NRG3: variants seen among roughly 807,000 people sequenced by gnomAD.
The protein encoded by NRG3 is pro-neuregulin-3, membrane-bound isoform.
NRG3 carries 31 observed loss-of-function variants against 66.9 expected under a neutral mutation model. The observed-to-expected ratio is 0.46, with a 90% CI of 0.35 to 0.63. NRG3 has a LOEUF of 0.63. NRG3 is among the 20% of genes least tolerant of loss of function. The probability of loss-of-function intolerance (pLI) is 0.00; values close to 1 mark genes in which losing one functional copy is unlikely to be tolerated. For missense variants in NRG3, 910 were observed against 878.9 expected (o/e 1.04, Z -0.45); for synonymous variants, 393 against 359.4 (o/e 1.09, Z -1.06).
At chr10:82,666,117 C>G (rs1002006359) in intron 2 of NRG3, among the ~76,000 whole-genome samples, 12 of 152,136 alleles carry the variant, frequency 7.9e-5, no homozygotes, top group African/African-American at 2.9e-4. Flanking sequence ...CCGCCTTTGC[C>G]TCCCAATGGC....
intron 2 of NRG3, among the ~76,000 whole-genome samples, chr10:82,735,344 C>G (rs1169961759): frequency 6.6e-6 from 1 of 152,106 alleles, no homozygotes; most frequent in African/African-American, 2.4e-5. Flanking sequence ...TGATGCCAGG[C>G]TCCTAAGGGA....
At chr10:82,939,445 TTTG>T (rs771219313) in intron 4 of NRG3, among the ~76,000 whole-genome samples, 11 of 151,076 alleles carry the variant, frequency 7.3e-5, no homozygotes, top group Admixed American at 5.3e-4. Flanking sequence ...GTTGTTGTTG[TTTG>T]TTGTTGTTGT....
At position 82,847,167 on chromosome 10, in the gene NRG3, C is replaced by T. The variant is rs531350194; in HGVS notation, c.1028-18244C>T. Among the ~76,000 whole-genome samples the T allele has an allele frequency of 2.1e-4, 32 of 152,302 alleles. No homozygotes were observed. The South Asian group carries it at 6.4e-3, about 31-fold the overall frequency. On this transcript the variant is annotated intron_variant, in intron 3 of 8. Coordinates refer to ENST00000372141, the MANE Select transcript of NRG3 (RefSeq NM_001010848.4). ...CAGGCTGAAGAAAGAGGGCACCCAGCAAATGGCATGTGGCAATTAAATCTG... is the reference window on the plus strand; with the variant it reads ...CAGGCTGAAGAAAGAGGGCACCCAGTAAATGGCATGTGGCAATTAAATCTG...
intron 1 of NRG3, among the ~76,000 whole-genome samples, chr10:82,180,916 T>C (rs971255343): frequency 6.6e-6 from 1 of 151,830 alleles, no homozygotes; most frequent in Admixed American, 6.6e-5. Flanking sequence ...TTGTTTTTGT[T>C]TGTTATGTTT....
intron 1 of NRG3, among the ~76,000 whole-genome samples, chr10:82,339,851 A>G (rs2082589050): frequency 6.6e-6 from 1 of 151,610 alleles, no homozygotes; most frequent in South Asian, 2.1e-4. Context: ...TTTCCACTTG[A>G]TTTAGCATTT....
Position 82,506,814 on chromosome 10 carries a change from G to A in NRG3, c.953+147946G>A, listed in dbSNP as rs576110667. Among the ~76,000 whole-genome samples the A allele has an allele frequency of 9.2e-5, 14 of 152,220 alleles. 1 individual carries two copies. The East Asian group carries it at 2.7e-3, about 29-fold the overall frequency. ...TCACATAAATTAATTCTTAGGTAAA[G>A]CTCACATGCTATGGAATGGTTTACC... On this transcript the variant is annotated intron_variant, in intron 2 of 8. Coordinates refer to ENST00000372141, the MANE Select transcript of NRG3 (RefSeq NM_001010848.4).
chr10:82,358,466 C>G (rs2083916054), intron 1 of NRG3, among the ~76,000 whole-genome samples: 1 of 152,158 alleles, frequency 6.6e-6, no homozygotes, highest in African/African-American at 2.4e-5. Flanking sequence ...GACTTAGGAT[C>G]ATTCAGCTTT....
At chr10:82,750,633 T>C (rs1389785469) in intron 3 of NRG3, among the ~76,000 whole-genome samples, 1 of 152,140 alleles carries the variant, frequency 6.6e-6, no homozygotes, top group Non-Finnish European at 1.5e-5. Flanking sequence ...ATTTATTATT[T>C]CTGAGTTATA....
chr10:82,923,429 A>G (rs1255781861), intron 4 of NRG3, among the ~76,000 whole-genome samples: 3 of 152,154 alleles, frequency 2.0e-5, no homozygotes, highest in African/African-American at 7.2e-5. Flanking sequence ...AGGTTCCCAC[A>G]TTGCACTCAG....
At chr10:82,979,184 GT>G in intron 8 of NRG3, 64 bp downstream of exon 8, 1 of 1,504,498 alleles carries the variant, frequency 6.6e-7, no homozygotes, top group South Asian at 1.2e-5. Flanking sequence ...TTTAAGTTAA[GT>G]TTTAAGTTCC....
At chr10:82,091,584 C>T (rs780855775) in intron 1 of NRG3, among the ~76,000 whole-genome samples, 5 of 152,216 alleles carry the variant, frequency 3.3e-5, no homozygotes, top group African/African-American at 4.8e-5. Context: ...TTGGTTGCCT[C>T]TGTCCCTTGG....
chr10:82,850,527 A>G (rs1210343839), intron 3 of NRG3, among the ~76,000 whole-genome samples: 1 of 152,218 alleles, frequency 6.6e-6, no homozygotes, highest in Non-Finnish European at 1.5e-5. Flanking sequence ...ACTTAAAACA[A>G]AAATTCAAAC....
chr10:82,936,451 T>G (rs1592017588), intron 4 of NRG3, among the ~76,000 whole-genome samples: 1 of 152,190 alleles, frequency 6.6e-6, no homozygotes, highest in East Asian at 1.9e-4. Context: ...GCCATAGGGT[T>G]TAGGGGGAAG....
At chr10:82,469,973 C>T (rs1213288415) in intron 2 of NRG3, among the ~76,000 whole-genome samples, 1 of 152,166 alleles carries the variant, frequency 6.6e-6, no homozygotes, top group Admixed American at 6.5e-5. Context: ...TCCCATCTCA[C>T]CTAGTCAATT....
At chr10:82,936,783 G>A (rs966973271) in intron 4 of NRG3, among the ~76,000 whole-genome samples, 1 of 152,120 alleles carries the variant, frequency 6.6e-6, no homozygotes, top group East Asian at 1.9e-4. Context: ...AAGACACTAT[G>A]AGCAAGTAGA....
intron 1 of NRG3, among the ~76,000 whole-genome samples, chr10:81,915,843 G>A (rs1845657932): frequency 6.6e-6 from 1 of 152,046 alleles, no homozygotes; most frequent in East Asian, 1.9e-4. Flanking sequence ...TGGACATCAG[G>A]GAAGCTTTGA....
intron 2 of NRG3, among the ~76,000 whole-genome samples, chr10:82,466,913 C>CA (rs77350035): frequency 0.033 from 2,261 of 69,052 alleles, 17 homozygotes; most frequent in Non-Finnish European, 0.047. Flanking sequence ...GTACCCTGAC[C>CA]AAAAAAAAAA....
At chr10:82,300,284 A>C (rs950846952) in intron 1 of NRG3, among the ~76,000 whole-genome samples, 2 of 152,170 alleles carry the variant, frequency 1.3e-5, no homozygotes, top group African/African-American at 4.8e-5. Context: ...GTATGGTGCA[A>C]AAGAATAGCT....
At chr10:82,067,591 G>T (rs12772844) in intron 1 of NRG3, among the ~76,000 whole-genome samples, 2 of 152,114 alleles carry the variant, frequency 1.3e-5, no homozygotes, top group African/African-American at 4.8e-5. Context: ...CAGGTGATCC[G>T]CCTGCCTTGG....
Sources: gnomAD v4.1 joint callset for allele counts (sites outside exome capture counted in the v4.1 genomes callset) on GRCh38, gnomAD v4.1.1 for gene constraint, MANE v1.5 for transcripts, NCBI Gene and HGNC (gene_info 2026-07-23, HGNC 2026-07-21) for gene names.